Variants in SLC35F4 observed in about 807,000 individuals in gnomAD.
SLC35F4 encodes chromosome 14 open reading frame 36.
SLC35F4 carries 24 observed loss-of-function variants against 44.2 expected under a neutral mutation model. That is an observed-to-expected ratio of 0.54 (90% confidence interval 0.39 to 0.76). The LOEUF is 0.76. SLC35F4 is among the 30% of genes least tolerant of loss of function. The pLI, the probability that SLC35F4 is intolerant of heterozygous loss-of-function variation, is 0.00. For missense variants in SLC35F4, 562 were observed against 586.1 expected, an observed-to-expected ratio of 0.96 and a Z score of 0.42; for synonymous variants, 238 against 223.6, an observed-to-expected ratio of 1.06 and a Z score of -0.57.
chr14:57,786,349 C>A (rs532833151), intron 1 of SLC35F4, among the ~76,000 whole-genome samples: 1 of 152,254 alleles, frequency 6.6e-6, no homozygotes, highest in Non-Finnish European at 1.5e-5. Flanking sequence ...TAGCAGAAGA[C>A]AAAGGGCATA....
At chr14:57,870,588 T>A (rs1178999190), upstream of SLC35F4, among the ~76,000 whole-genome samples, 2 of 152,230 alleles carry the variant, frequency 1.3e-5, no homozygotes, top group Non-Finnish European at 2.9e-5. Context: ...ATAGAACGCT[T>A]TGAGCTTCAG....
intron 1 of SLC35F4, among the ~76,000 whole-genome samples, chr14:57,615,358 T>TTC (rs1364723893): frequency 5.1e-5 from 7 of 137,558 alleles, no homozygotes; most frequent in Non-Finnish European, 3.2e-5. Flanking sequence ...ACATTTTCCT[T>TTC]TTTTTTTTTT....
At chr14:57,614,099 T>G (rs2071668418) in intron 1 of SLC35F4, among the ~76,000 whole-genome samples, 1 of 152,196 alleles carries the variant, frequency 6.6e-6, no homozygotes, top group Non-Finnish European at 1.5e-5. Context: ...ATAAACAAGT[T>G]ATAAACTGTG....
intron 1 of SLC35F4, among the ~76,000 whole-genome samples, chr14:57,655,510 A>T (rs2140216664): frequency 6.6e-6 from 1 of 152,252 alleles, no homozygotes; most frequent in East Asian, 1.9e-4. Context: ...CACAGCAATG[A>T]GGGGAGGACA....
At chr14:57,609,948 C>T (rs1031626776) in intron 1 of SLC35F4, among the ~76,000 whole-genome samples, 7 of 152,152 alleles carry the variant, frequency 4.6e-5, no homozygotes, top group Non-Finnish European at 7.3e-5. Context: ...GCCTCCAGGA[C>T]TATAGAAAGG....
intron 1 of SLC35F4, among the ~76,000 whole-genome samples, chr14:57,647,226 A>T (rs61318435): frequency 0.28 from 41,194 of 146,902 alleles, 5,917 homozygotes; most frequent in East Asian, 0.45. Context: ...GTGGGGTGTT[A>T]AAGTCTCCCA....
intron 1 of SLC35F4, among the ~76,000 whole-genome samples, chr14:57,802,332 G>T (rs1056422886): frequency 6.6e-6 from 1 of 152,044 alleles, no homozygotes; most frequent in Non-Finnish European, 1.5e-5. Context: ...CCAAAGCAGT[G>T]TTAAGAGGGA....
intron 1 of SLC35F4, among the ~76,000 whole-genome samples, chr14:57,841,978 T>A (rs554357870): frequency 5.3e-5 from 8 of 152,346 alleles, no homozygotes; most frequent in Middle Eastern, 3.4e-3. Flanking sequence ...GTTTGCAGTA[T>A]AATGATCACT....
chr14:57,630,073 T>C (rs550654303), intron 1 of SLC35F4: 7 of 541,852 alleles, frequency 1.3e-5, no homozygotes, highest in Non-Finnish European at 2.6e-5. Flanking sequence ...TTATATTCAA[T>C]TTGAGGATGT....
intron 4 of SLC35F4, among the ~76,000 whole-genome samples, chr14:57,577,341 T>C (rs2068860667): frequency 1.3e-5 from 2 of 152,140 alleles, no homozygotes; most frequent in African/African-American, 4.8e-5. Flanking sequence ...TTTGGGAAGC[T>C]AACTAACTGC....
chr14:57,593,776 C>G (rs1050620075), intron 2 of SLC35F4, among the ~76,000 whole-genome samples, 163 bp downstream of exon 2: 8 of 152,188 alleles, frequency 5.3e-5, no homozygotes, highest in African/African-American at 1.9e-4. Flanking sequence ...TAGATTGTAT[C>G]TATATATTTC....
At chr14:57,686,044 C>G (rs1441564719) in intron 1 of SLC35F4, among the ~76,000 whole-genome samples, 1 of 152,064 alleles carries the variant, frequency 6.6e-6, no homozygotes, top group East Asian at 1.9e-4. Context: ...GCTCAAGGAC[C>G]TTTTGTGGTT....
intron 1 of SLC35F4, among the ~76,000 whole-genome samples, chr14:57,626,507 G>A (rs1352477368): frequency 6.6e-6 from 1 of 152,108 alleles, no homozygotes; most frequent in Admixed American, 6.6e-5. Context: ...ACTTCAGGAG[G>A]TCCTGAAATA....
chr14:57,971,263 T>G (rs562015534), intron 1 of SLC35F4, among the ~76,000 whole-genome samples: 16 of 152,222 alleles, frequency 1.1e-4, no homozygotes, highest in Non-Finnish European at 2.1e-4. Flanking sequence ...CTGCAATCCC[T>G]GCAATCTTGT....
intron 1 of SLC35F4, among the ~76,000 whole-genome samples, chr14:57,900,848 A>T (rs1888984931): frequency 6.6e-6 from 1 of 152,256 alleles, no homozygotes; most frequent in African/African-American, 2.4e-5. Flanking sequence ...CCCATTAAAA[A>T]ATGCACAAAG....
At chr14:57,741,562 C>G (rs1052529114) in intron 1 of SLC35F4, among the ~76,000 whole-genome samples, 1 of 152,110 alleles carries the variant, frequency 6.6e-6, no homozygotes, top group Non-Finnish European at 1.5e-5. Context: ...AAGAAATGAA[C>G]AAATCCTCCA....
intron 1 of SLC35F4, among the ~76,000 whole-genome samples, chr14:57,690,619 T>C (rs893963856): frequency 1.3e-5 from 2 of 151,976 alleles, no homozygotes; most frequent in African/African-American, 2.4e-5. Context: ...TATTACACTG[T>C]AATATACAAA....
chr14:57,791,857 C>T (rs1032650595), intron 1 of SLC35F4, among the ~76,000 whole-genome samples: 9 of 151,702 alleles, frequency 5.9e-5, no homozygotes, highest in South Asian at 4.2e-4. Context: ...AGCAAACTGA[C>T]ACAGGAACAG....
At chr14:57,917,028 TG>T (rs1337546370) in intron 1 of SLC35F4, among the ~76,000 whole-genome samples, 1 of 152,054 alleles carries the variant, frequency 6.6e-6, no homozygotes, top group Non-Finnish European at 1.5e-5. Context: ...TTTGTTTGTT[TG>T]TTTGTTTTGG....
Sources: gnomAD v4.1 joint callset for allele counts (sites outside exome capture counted in the v4.1 genomes callset) on GRCh38, gnomAD v4.1.1 for gene constraint, MANE v1.5 for transcripts, NCBI Gene and HGNC (gene_info 2026-07-23, HGNC 2026-07-21) for gene names.